Variants in EVC2 observed in about 807,000 individuals in gnomAD.
EVC2 encodes the protein EvC ciliary complex subunit 2.
EVC2 carries 148 observed loss-of-function variants against 149.3 expected under a neutral mutation model. That is an observed-to-expected ratio of 0.99 (90% CI 0.87 to 1.14). The LOEUF is 1.14. Ranked by LOEUF, EVC2 falls within the 50% of genes most tolerant of loss-of-function variation. The probability of loss-of-function intolerance (pLI) is 0.00; values close to 1 mark genes in which losing one functional copy is unlikely to be tolerated. For synonymous variants in EVC2, 776 were observed against 649.9 expected, an observed-to-expected ratio of 1.19 and a Z score of -2.95; for missense variants, 1,854 against 1,627.3, an observed-to-expected ratio of 1.14 and a Z score of -2.40.
At chr4:5,555,161 T>C (rs759797790) in intron 21 of EVC2, among the ~76,000 whole-genome samples, 3 of 151,832 alleles carry the variant, frequency 2.0e-5, no homozygotes, top group East Asian at 3.9e-4. Flanking sequence ...TTAAGTATAA[T>C]TGATATGTTA....
intron 9 of EVC2, among the ~76,000 whole-genome samples, chr4:5,662,758 C>T (rs938574772): frequency 4.7e-4 from 70 of 149,538 alleles, no homozygotes; most frequent in Non-Finnish European, 1.0e-4. Context: ...TCAATGCCAC[C>T]TCCTCCAGGA....
In EVC2 at chr4:5,592,928, G is replaced by A. The variant is rs59543310; in HGVS notation, c.2830-8078C>T. Among the ~76,000 whole-genome samples the A allele has an allele frequency of 2.1e-3, 323 of 152,206 alleles. 2 individuals carry two copies. The highest frequency in any genetic ancestry group is 7.4e-3 in the African/African-American group (308 of 41,526). ...ATTGTAGTTCTCATAATCCCCACCT[G>A]TCATAGGAGGTAACTGAATCATGGG... On this transcript the variant is annotated intron_variant, in intron 16 of 21. Transcript: ENST00000344408.
At chr4:5,694,100 G>C (rs868401370) in intron 3 of EVC2, among the ~76,000 whole-genome samples, 4 of 152,178 alleles carry the variant, frequency 2.6e-5, no homozygotes, top group Admixed American at 6.5e-5. Context: ...CACCAGATGA[G>C]GCAGCCTAAT....
At chr4:5,541,012 C>T (rs1721502339), downstream of EVC2, among the ~76,000 whole-genome samples, 1 of 152,188 alleles carries the variant, frequency 6.6e-6, no homozygotes, top group Admixed American at 6.5e-5. Context: ...CATCATTGCA[C>T]ACTCATCCAT....
chr4:5,684,568 C>T (rs1222182160), intron 6 of EVC2, among the ~76,000 whole-genome samples: 2 of 75,516 alleles, frequency 2.6e-5, no homozygotes, highest in Non-Finnish European at 6.0e-5. Context: ...CTCCTCCAGC[C>T]TGTACCCGGG....
intron 7 of EVC2, among the ~76,000 whole-genome samples, chr4:5,669,255 T>C (rs1217469810): frequency 6.6e-6 from 1 of 152,250 alleles, no homozygotes; most frequent in Non-Finnish European, 1.5e-5. Context: ...AGATTTGTTA[T>C]GGCAGCCTGA....
intron 9 of EVC2, among the ~76,000 whole-genome samples, chr4:5,662,540 AATATTAATATTAAATATATTAAATATAAT>A (rs1480427158): frequency 1.4e-5 from 2 of 143,464 alleles, no homozygotes; most frequent in Non-Finnish European, 3.0e-5. Flanking sequence ...TATTAAATAT[AATATTAATATTAAATATATTAAATATAAT>A]ATATATTTAT....
At chr4:5,604,628 ACAG>A (rs763847293) in intron 16 of EVC2, among the ~76,000 whole-genome samples, 149 of 152,184 alleles carry the variant, frequency 9.8e-4, no homozygotes, top group Admixed American at 2.4e-3. Flanking sequence ...ATAGTGTTCA[ACAG>A]CAGATTAGGG....
At chr4:5,631,475 G>T (rs1247575456) in intron 11 of EVC2, among the ~76,000 whole-genome samples, 1 of 152,156 alleles carries the variant, frequency 6.6e-6, no homozygotes, top group South Asian at 2.1e-4. Flanking sequence ...TCACACCCTC[G>T]TGGGTGTGGG....
chr4:5,595,713 T>C (rs1713336933), intron 16 of EVC2, among the ~76,000 whole-genome samples: 1 of 152,090 alleles, frequency 6.6e-6, no homozygotes, highest in African/African-American at 2.4e-5. Context: ...AATTCACACA[T>C]AACAATATTA....
intron 19 of EVC2, among the ~76,000 whole-genome samples, chr4:5,570,675 T>A (rs2108773110): frequency 6.6e-6 from 1 of 152,238 alleles, no homozygotes; most frequent in East Asian, 1.9e-4. Flanking sequence ...AGTTATTATA[T>A]GAAAAAGACA....
chr4:5,537,905 A>C (rs1721449660), downstream of EVC2, among the ~76,000 whole-genome samples: 1 of 152,164 alleles, frequency 6.6e-6, no homozygotes, highest in Non-Finnish European at 1.5e-5. Flanking sequence ...CTTAAACCTA[A>C]AGTAAGCCAA....
intron 21 of EVC2, among the ~76,000 whole-genome samples, chr4:5,564,488 T>C (rs928131921): frequency 6.6e-6 from 1 of 152,236 alleles, no homozygotes; most frequent in Non-Finnish European, 1.5e-5. Flanking sequence ...ATGAGTAATC[T>C]ATGAAGCTCG....
intron 17 of EVC2, among the ~76,000 whole-genome samples, chr4:5,578,465 G>C (rs1203802971): frequency 1.3e-5 from 2 of 152,180 alleles, no homozygotes; most frequent in African/African-American, 4.8e-5. Context: ...AGGTAACTGA[G>C]GCAAGAGAGT....
chr4:5,665,762 G>C, intron 7 of EVC2, 113 bp from the exon 8 acceptor site: 1 of 1,498,490 alleles, frequency 6.7e-7, no homozygotes, highest in South Asian at 1.2e-5. Flanking sequence ...GGACTCGCTT[G>C]CATTTGAGTC....
downstream of EVC2, among the ~76,000 whole-genome samples, chr4:5,541,069 G>T (rs1181142211): frequency 6.6e-6 from 1 of 152,140 alleles, no homozygotes; most frequent in Non-Finnish European, 1.5e-5. Context: ...AGCTGCCGCT[G>T]GCCTTTTCCG....
intron 16 of EVC2, among the ~76,000 whole-genome samples, chr4:5,604,466 A>G (rs1263146232): frequency 2.0e-5 from 3 of 152,188 alleles, no homozygotes; most frequent in Non-Finnish European, 2.9e-5. Flanking sequence ...GACAAACATC[A>G]CATGTTCATA....
In EVC2 at chr4:5,704,765, G is replaced by C. The variant is rs140851855; in HGVS notation, c.228+3521C>G. Among the ~76,000 whole-genome samples the C allele has an allele frequency of 3.9e-3, 600 of 152,206 alleles. 5 individuals carry two copies. The highest frequency in any genetic ancestry group is 0.014 in the African/African-American group (567 of 41,514). On this transcript the variant is annotated intron_variant, in intron 1 of 21. Coordinates refer to ENST00000344408, the MANE Select transcript of EVC2 (RefSeq NM_147127.5). Reference sequence around the variant, plus strand: ...CTGCCATCCAGGTTGGAGTGCAGTGGTGAGATCATAGCTCACTGCATCCTC... The same window carrying C: ...CTGCCATCCAGGTTGGAGTGCAGTGCTGAGATCATAGCTCACTGCATCCTC...
At chr4:5,550,498 T>C (rs959297312) in intron 21 of EVC2, among the ~76,000 whole-genome samples, 1 of 152,214 alleles carries the variant, frequency 6.6e-6, no homozygotes, top group East Asian at 1.9e-4. Flanking sequence ...AAGAAATTTC[T>C]AGCAGCAAAG....
Sources: gnomAD v4.1 joint callset for allele counts (sites outside exome capture counted in the v4.1 genomes callset) on GRCh38, gnomAD v4.1.1 for gene constraint, MANE v1.5 for transcripts, NCBI Gene and HGNC (gene_info 2026-07-23, HGNC 2026-07-21) for gene names.